The following PTPN11 variants were observed in gnomAD, a reference collection of about 807,000 sequenced individuals.
PTPN11 encodes tyrosine-protein phosphatase non-receptor type 11.
Under a neutral mutation model 78.8 loss-of-function variants are expected in PTPN11, and 6 were observed. The ratio of observed to expected loss-of-function variants is 0.08; its 90% CI spans 0.04 to 0.15. PTPN11 has a LOEUF of 0.15. PTPN11 is among the 10% of genes least tolerant of loss of function. The pLI, the probability that PTPN11 is intolerant of heterozygous loss-of-function variation, is 1.00. For missense variants in PTPN11, 386 were observed against 744.8 expected (o/e 0.52, Z 5.61); for synonymous variants, 221 against 263.5 (o/e 0.84, Z 1.56).
At chr12:112,483,681 T>C (rs2038631641) in intron 10 of PTPN11, among the ~76,000 whole-genome samples, 1 of 152,128 alleles carries the variant, frequency 6.6e-6, no homozygotes, top group African/African-American at 2.4e-5. Flanking sequence ...TTGGAGGTAG[T>C]GCAGCCGTCA....
At chr12:112,444,183 C>T (rs940638889) in intron 1 of PTPN11, among the ~76,000 whole-genome samples, 1 of 152,158 alleles carries the variant, frequency 6.6e-6, no homozygotes. Flanking sequence ...TTTGTCTATT[C>T]ATCCATCTAT....
At chr12:112,455,314 C>A (rs546147405) in intron 5 of PTPN11, among the ~76,000 whole-genome samples, 1 of 147,380 alleles carries the variant, frequency 6.8e-6, no homozygotes, top group South Asian at 2.1e-4. Flanking sequence ...TGGCTCACTG[C>A]AACCTCTGCG....
intron 13 of PTPN11, among the ~76,000 whole-genome samples, chr12:112,499,328 A>T (rs899825858): frequency 2.7e-4 from 41 of 152,074 alleles, no homozygotes; most frequent in Middle Eastern, 3.4e-3. Flanking sequence ...TTTATTTTTT[A>T]AAAAATTTAT....
intron 9 of PTPN11, among the ~76,000 whole-genome samples, chr12:112,480,366 C>CTT (rs570561435): frequency 3.2e-4 from 42 of 130,282 alleles, no homozygotes; most frequent in East Asian, 6.7e-4. Context: ...CCACATCGTT[C>CTT]TTTTTTTTTT....
chr12:112,472,749 C>T (rs545503118), intron 6 of PTPN11, among the ~76,000 whole-genome samples, 195 bp from the exon 7 acceptor site: 6 of 152,268 alleles, frequency 3.9e-5, no homozygotes, highest in African/African-American at 1.2e-4. Flanking sequence ...GATCTGCCCA[C>T]CTCAGCCTCC....
chr12:112,495,455 G>A (rs1179486052), intron 13 of PTPN11, among the ~76,000 whole-genome samples: 1 of 152,172 alleles, frequency 6.6e-6, no homozygotes, highest in Non-Finnish European at 1.5e-5. Context: ...TTAGACTTGA[G>A]TAATGGATTT....
intron 13 of PTPN11, 68 bp downstream of exon 13, chr12:112,489,243 T>C: frequency 6.4e-7 from 1 of 1,573,984 alleles, no homozygotes; most frequent in South Asian, 1.1e-5. Context: ...CGCTCTCCTT[T>C]TGAGCAGGAG....
chr12:112,509,217 G>A lies in PTPN11; in HGVS notation c.*3425G>A, dbSNP rs2038971399. On this transcript the variant is annotated 3_prime_UTR_variant, in exon 16 of 16. Coordinates refer to ENST00000351677, the MANE Select transcript of PTPN11 (RefSeq NM_002834.5). ...GAAATCTTTTTTCCTTCTTCCTCTT[G>A]AAAAGTTCCAAAATATAGTTTATTG... 6.6e-6 allele frequency: 1 copy of A among 152,122 alleles called. No individual in the cohort carries two copies. The highest frequency in any genetic ancestry group is 2.4e-5 in the African/African-American group (1 of 41,416). 9.4% of individuals were successfully genotyped at this position (152,122 alleles called of 1,614,324 possible).
chr12:112,431,940 A>G (rs1241383731), intron 1 of PTPN11, among the ~76,000 whole-genome samples: 2 of 152,218 alleles, frequency 1.3e-5, no homozygotes, highest in East Asian at 3.8e-4. Flanking sequence ...AAGGGGGGAA[A>G]AAAACCAGAG....
At chr12:112,449,622 T>A (rs1403188176) in intron 2 of PTPN11, among the ~76,000 whole-genome samples, 2 of 152,238 alleles carry the variant, frequency 1.3e-5, no homozygotes, top group Admixed American at 6.5e-5. Flanking sequence ...GTAGCACTAT[T>A]TGTTTATACA....
chr12:112,472,593 G>A (rs1294617899), intron 6 of PTPN11, among the ~76,000 whole-genome samples: 1 of 151,686 alleles, frequency 6.6e-6, no homozygotes, highest in Non-Finnish European at 1.5e-5. Context: ...GAGTGCAGTG[G>A]CACAATCTCT....
At chr12:112,496,583 T>A (rs956305250) in intron 13 of PTPN11, among the ~76,000 whole-genome samples, 1 of 152,216 alleles carries the variant, frequency 6.6e-6, no homozygotes, top group Non-Finnish European at 1.5e-5. Flanking sequence ...CATACTGATG[T>A]CTCAGACTCG....
chr12:112,486,794 A>G lies in PTPN11; in HGVS notation c.1379+165A>G, dbSNP rs2038684861. On this transcript the variant is annotated intron_variant, in intron 11 of 15. Transcript: ENST00000351677. ...GAGGGACATTTTGATCCCAAGGCATATTTCTCCTAGACCCTACAGCACTGC... is the reference window on the plus strand; with the variant it reads ...GAGGGACATTTTGATCCCAAGGCATGTTTCTCCTAGACCCTACAGCACTGC... 1.3e-5 allele frequency: 19 copies of G among 1,489,426 alleles called. No individual in the cohort carries two copies. The South Asian group carries it at 2.5e-4, about 20-fold the overall frequency. The allele number at this position is 1,489,426 out of a possible 1,614,324, so 92.3% of individuals were successfully genotyped here. A position where few individuals can be genotyped will look rare whatever the true frequency, so the allele number is the denominator to read the frequency against.
chr12:112,427,525 G>A (rs1007488151), intron 1 of PTPN11, among the ~76,000 whole-genome samples: 1 of 150,776 alleles, frequency 6.6e-6, no homozygotes, highest in Non-Finnish European at 1.5e-5. Flanking sequence ...CAGCCTGGGC[G>A]ACAGAGCGAG....
intron 13 of PTPN11, 123 bp downstream of exon 13, chr12:112,489,298 A>G (rs2038717955): frequency 1.7e-6 from 2 of 1,170,264 alleles, no homozygotes; most frequent in Non-Finnish European, 2.5e-6. Flanking sequence ...ATGGGAAACA[A>G]ACTCCCAACT....
intron 5 of PTPN11, 141 bp downstream of exon 5, chr12:112,454,821 T>A: frequency 4.2e-6 from 2 of 476,368 alleles, no homozygotes; most frequent in East Asian, 4.3e-5. Context: ...ATCAAATCTT[T>A]TTTTTTTTTT....
chr12:112,505,043 C>T (rs566999169), intron 15 of PTPN11, among the ~76,000 whole-genome samples: 7 of 152,300 alleles, frequency 4.6e-5, no homozygotes, highest in South Asian at 2.1e-4. Flanking sequence ...AGAGAAATGG[C>T]TGATACTGGT....
intron 1 of PTPN11, among the ~76,000 whole-genome samples, chr12:112,443,159 C>G (rs2037935018): frequency 6.6e-6 from 1 of 151,574 alleles, no homozygotes; most frequent in African/African-American, 2.4e-5. Flanking sequence ...ATCCTTATAT[C>G]TCTTTCAAAT....
intron 8 of PTPN11, 37 bp downstream of exon 8, chr12:112,477,767 A>G: frequency 1.2e-6 from 2 of 1,604,952 alleles, no homozygotes; most frequent in South Asian, 2.2e-5. Context: ...CTGACCATAC[A>G]TTTCTAGCCT....
Sources: allele counts gnomAD v4.1 joint callset (sites outside exome capture counted in the v4.1 genomes callset), GRCh38; gene constraint gnomAD v4.1.1; transcripts MANE v1.5; gene names NCBI Gene and HGNC (gene_info 2026-07-23, HGNC 2026-07-21).